The following SLC35F4 variants were observed in gnomAD, a reference collection of about 807,000 sequenced individuals.
SLC35F4 encodes chromosome 14 open reading frame 36.
A neutral mutation model predicts 44.2 loss-of-function variants in SLC35F4; 24 were observed. The observed-to-expected ratio is 0.54, with a 90% CI of 0.39 to 0.76. SLC35F4 has a LOEUF of 0.76. SLC35F4 is among the 30% of genes least tolerant of loss of function. The pLI is 0.00. For missense variants in SLC35F4, 562 were observed against 586.1 expected (o/e 0.96, Z 0.42); for synonymous variants, 238 against 223.6 (o/e 1.06, Z -0.57).
At chr14:57,566,357 C>T (rs1156940743) in intron 7 of SLC35F4, 118 bp downstream of exon 7, 1 of 930,110 alleles carries the variant, frequency 1.1e-6, no homozygotes, top group African/African-American at 1.7e-5. Context: ...TTAAAAACAT[C>T]TTCCCAGGCA....
At position 57,596,792 on chromosome 14, in the gene SLC35F4, T is replaced by C. The variant is rs1214439383; in HGVS notation, c.104-2668A>G. ...TTCACTAAAATATTATGTCCTGGCT[T>C]CCATACCTCCTGTTCCTTATGTGAT... On this transcript the variant is annotated intron_variant, in intron 1 of 7. Coordinates refer to ENST00000556826, the MANE Select transcript of SLC35F4 (RefSeq NM_001306087.2). The C allele has an allele frequency of 2.3e-5, 31 of 1,367,406 alleles. No individual in the cohort carries two copies. In the Admixed American group the frequency reaches 5.9e-4, roughly 26 times the overall value. The allele number at this position is 1,367,406 out of a possible 1,614,324, so 84.7% of individuals were successfully genotyped here.
chr14:57,706,014 G>A (rs1044182191), intron 1 of SLC35F4, among the ~76,000 whole-genome samples: 3 of 152,098 alleles, frequency 2.0e-5, no homozygotes, highest in Admixed American at 2.0e-4. Flanking sequence ...ACTAAAGAAA[G>A]CATCTCTAAA....
At chr14:57,907,418 G>C (rs1166279855) in intron 1 of SLC35F4, among the ~76,000 whole-genome samples, 1 of 152,092 alleles carries the variant, frequency 6.6e-6, no homozygotes, top group East Asian at 1.9e-4. Context: ...TATCCACTTT[G>C]GGGCAGGGGA....
rs75050216 is a variant in SLC35F4, at chr14:57,609,675, C to T, written c.104-15551G>A. 5.1e-3 allele frequency among the ~76,000 whole-genome samples: 779 copies of T among 152,290 alleles called. 11 individuals carry two copies. The highest frequency in any genetic ancestry group is 0.017 in the African/African-American group (709 of 41,556). On this transcript the variant is annotated intron_variant, in intron 1 of 7. Coordinates refer to ENST00000556826, the MANE Select transcript of SLC35F4 (RefSeq NM_001306087.2). The stretch of plus-strand genomic sequence containing the variant: ...CAGTTTGTTATGCATGCTCTCCTCT[C>T]GAAATCCTAAATTTATCTGATGGAG...
chr14:57,720,406 A>G (rs2076054340), intron 1 of SLC35F4, among the ~76,000 whole-genome samples: 1 of 152,120 alleles, frequency 6.6e-6, no homozygotes, highest in South Asian at 2.1e-4. Flanking sequence ...AGTAGGATTA[A>G]TATTAGTTCT....
At chr14:57,610,558 C>T (rs1003144785) in intron 1 of SLC35F4, among the ~76,000 whole-genome samples, 3 of 152,168 alleles carry the variant, frequency 2.0e-5, no homozygotes, top group African/African-American at 7.2e-5. Flanking sequence ...AGAATCTAAC[C>T]CTTCGGTTTC....
intron 1 of SLC35F4, among the ~76,000 whole-genome samples, chr14:57,681,082 G>C (rs979352027): frequency 5.3e-5 from 8 of 152,004 alleles, no homozygotes; most frequent in African/African-American, 1.9e-4. Context: ...TAAGCAAAAA[G>C]AACAAACCTG....
intron 1 of SLC35F4, among the ~76,000 whole-genome samples, chr14:57,626,649 G>C (rs1478098964): frequency 6.6e-6 from 1 of 152,114 alleles, no homozygotes; most frequent in Non-Finnish European, 1.5e-5. Context: ...ATAGCACGCA[G>C]TAATTGCTAA....
At chr14:57,831,925 T>C (rs936891184) in intron 1 of SLC35F4, among the ~76,000 whole-genome samples, 7 of 152,220 alleles carry the variant, frequency 4.6e-5, no homozygotes, top group African/African-American at 1.7e-4. Context: ...CATAAGTGTA[T>C]ATCCGTGTCT....
intron 1 of SLC35F4, among the ~76,000 whole-genome samples, chr14:57,673,683 G>A (rs986800302): frequency 1.3e-5 from 2 of 151,940 alleles, no homozygotes; most frequent in African/African-American, 2.4e-5. Context: ...ATGCAGGTTT[G>A]GTGGGGGTGG....
chr14:57,668,520 A>T (rs1486784205), intron 1 of SLC35F4, among the ~76,000 whole-genome samples: 1 of 152,054 alleles, frequency 6.6e-6, no homozygotes, highest in Non-Finnish European at 1.5e-5. Context: ...AGGTGTAAGG[A>T]AGGGATCCAG....
intron 1 of SLC35F4, among the ~76,000 whole-genome samples, chr14:57,775,511 A>C (rs572740139): frequency 2.6e-5 from 4 of 152,342 alleles, no homozygotes; most frequent in African/African-American, 9.6e-5. Context: ...TCAGAATTAC[A>C]ATATGCAGTC....
chr14:57,919,381 C>T (rs998464493), intron 1 of SLC35F4, among the ~76,000 whole-genome samples: 10 of 152,180 alleles, frequency 6.6e-5, no homozygotes, highest in Admixed American at 5.9e-4. Flanking sequence ...ACTTGCGACA[C>T]TTCAAAGGAA....
chr14:57,594,711 C>T (rs1468268712), intron 1 of SLC35F4, among the ~76,000 whole-genome samples: 1 of 152,180 alleles, frequency 6.6e-6, no homozygotes. Context: ...TGTCGATTTC[C>T]TAACTGGTAA....
chr14:57,909,023 C>T (rs1230488853), intron 1 of SLC35F4, among the ~76,000 whole-genome samples: 2 of 152,142 alleles, frequency 1.3e-5, no homozygotes, highest in African/African-American at 2.4e-5. Context: ...TTTCTGAGCA[C>T]CATTTATTGG....
At chr14:57,722,944 T>C (rs1770758686) in intron 1 of SLC35F4, among the ~76,000 whole-genome samples, 4 of 152,140 alleles carry the variant, frequency 2.6e-5, no homozygotes, top group Admixed American at 2.6e-4. Flanking sequence ...CCCACTATAC[T>C]TCTGACAATT....
chr14:57,858,415 C>A (rs1317763130), intron 1 of SLC35F4, among the ~76,000 whole-genome samples: 1 of 151,836 alleles, frequency 6.6e-6, no homozygotes, highest in Non-Finnish European at 1.5e-5. Context: ...TCATTCTCAG[C>A]AAACTATCGC....
At chr14:57,883,440 C>G (rs1163909457) in intron 1 of SLC35F4, among the ~76,000 whole-genome samples, 1 of 152,192 alleles carries the variant, frequency 6.6e-6, no homozygotes, top group Admixed American at 6.5e-5. Context: ...TAGAGCACCA[C>G]TCTCACCTTA....
At chr14:57,633,100 G>A (rs978829307) in intron 1 of SLC35F4, among the ~76,000 whole-genome samples, 2 of 152,030 alleles carry the variant, frequency 1.3e-5, no homozygotes, top group Non-Finnish European at 2.9e-5. Flanking sequence ...TCCAATGTCC[G>A]CATGTACCAC....
Sources: allele counts gnomAD v4.1 joint callset (sites outside exome capture counted in the v4.1 genomes callset), GRCh38; gene constraint gnomAD v4.1.1; transcripts MANE v1.5; gene names NCBI Gene and HGNC (gene_info 2026-07-23, HGNC 2026-07-21).